ZC3H4: variants seen among roughly 807,000 people sequenced by gnomAD.
ZC3H4 encodes zinc finger CCCH-type containing 4, also known as zinc finger CCCH domain-containing protein 4.
In ZC3H4, 13 loss-of-function variants were observed where a neutral mutation model predicts 108.3. That is an observed-to-expected ratio of 0.12 (90% CI 0.08 to 0.19). The LOEUF (loss-of-function observed/expected upper bound fraction) is 0.19, where lower values mean the gene tolerates loss of function less well. Among genes scored for constraint, ZC3H4 ranks in the 10% least tolerant of loss-of-function variants. The pLI is 1.00. For synonymous variants in ZC3H4, 917 were observed against 749.6 expected (o/e 1.22, Z -3.65); for missense variants, 1,734 against 1,838.8 (o/e 0.94, Z 1.04).
chr19:47,111,570 C>CG (rs2058039550), intron 2 of ZC3H4, among the ~76,000 whole-genome samples: 1 of 152,124 alleles, frequency 6.6e-6, no homozygotes, highest in African/African-American at 2.4e-5. Flanking sequence ...TGAGAATCCT[C>CG]CCTCACGTCA....
At chr19:47,087,704 C>T (rs766483311) in intron 5 of ZC3H4, among the ~76,000 whole-genome samples, 7 of 151,872 alleles carry the variant, frequency 4.6e-5, no homozygotes, top group Non-Finnish European at 8.8e-5. Flanking sequence ...CACAGTGAAA[C>T]CCATCTCTAC....
chr19:47,077,591 C>T (rs894789580), intron 11 of ZC3H4, among the ~76,000 whole-genome samples: 1 of 151,280 alleles, frequency 6.6e-6, no homozygotes, highest in Non-Finnish European at 1.5e-5. Context: ...TGGTGGCTCA[C>T]GCCCGTTATC....
chr19:47,068,950 C>A, intron 14 of ZC3H4, 142 bp downstream of exon 14: 1 of 1,507,394 alleles, frequency 6.6e-7, no homozygotes, highest in South Asian at 1.3e-5. Context: ...AGCCCCAGCC[C>A]GGCTTCATGG....
Position 47,112,573 on chromosome 19 carries a change from C to T in ZC3H4, c.12G>A (p.Ala4=), listed in dbSNP as rs1237769140. Residue 4 remains alanine, a synonymous_variant, in exon 2 of 15, where the codon GCG becomes GCA. Transcript: ENST00000253048. The stretch of plus-strand genomic sequence containing the variant: ...ATGGCGGCGGCGGGGGGGTCCCGGG[C>T]GCGGCCTCCATAGTTCCTTTGGGGG... MEA[A]PGTPPPPPSE... is the part of the protein sequence containing the mutation. 11 of 1,160,556 alleles carry T rather than the reference C, an allele frequency of 9.5e-6. No individual in the cohort carries two copies. The highest frequency in any genetic ancestry group is 3.2e-5 in the African/African-American group (2 of 62,978). 71.9% of individuals were successfully genotyped at this position (1,160,556 alleles called of 1,614,324 possible).
chr19:47,107,546 C>T (rs549079045), intron 2 of ZC3H4, among the ~76,000 whole-genome samples: 128 of 152,054 alleles, frequency 8.4e-4, no homozygotes, highest in African/African-American at 3.1e-3. Context: ...GTCACCTATT[C>T]ACACAGATGC....
At chr19:47,091,792 CTGAGGCAGGAGAATCGCT>C (rs2057736027) in intron 4 of ZC3H4, among the ~76,000 whole-genome samples, 1 of 151,454 alleles carries the variant, frequency 6.6e-6, no homozygotes, top group Non-Finnish European at 1.5e-5. Flanking sequence ...ACTTGAGAGG[CTGAGGCAGGAGAATCGCT>C]TGAACCAGGG....
chr19:47,069,449 G>C (rs1378263876), intron 13 of ZC3H4, 106 bp from the exon 14 acceptor site: 7 of 1,421,080 alleles, frequency 4.9e-6, no homozygotes, highest in Non-Finnish European at 5.6e-6. Context: ...GATGGAGAAG[G>C]ACGCACAGCC....
At chr19:47,112,385 C>T in intron 2 of ZC3H4, 39 bp downstream of exon 2, 1 of 1,231,626 alleles carries the variant, frequency 8.1e-7, no homozygotes, top group Non-Finnish European at 1.0e-6. Context: ...CCTCTTCCTC[C>T]CCCCGGGGAC....
In ZC3H4 at chr19:47,072,070, C is replaced by T; in HGVS notation, c.1854G>A (p.Met618Ile). The T allele has an allele frequency of 6.3e-7, 1 of 1,576,978 alleles. No homozygotes were observed. Among genetic ancestry groups the T allele is most frequent in the Non-Finnish European group, 8.6e-7 (1 of 1,161,976 alleles). The change falls in exon 13 of 15, where the codon ATG becomes ATA. Residue 618 changes from methionine (M) to isoleucine (I), a missense_variant. This residue lies in a region of ZC3H4 where 540 missense variants were observed against 484.1 expected (regional missense o/e 1.12). Coordinates refer to ENST00000253048, the MANE Select transcript of ZC3H4 (RefSeq NM_015168.2). The surrounding 1 kb of genome is among the most constrained non-coding windows in gnomAD (Gnocchi z 5.6). ...PPGPMGPGPN[M>I]GPPGPMGGPM... is the part of the protein sequence containing the mutation. ...GACCGCCCATTGGCCCTGGGGGTCC[C>T]ATGTTGGGCCCAGGGCCCATTGGCC...
At chr19:47,100,496 C>G (rs2057889623) in intron 2 of ZC3H4, among the ~76,000 whole-genome samples, 1 of 151,744 alleles carries the variant, frequency 6.6e-6, no homozygotes, top group South Asian at 2.1e-4. Flanking sequence ...GAAGTCCAGG[C>G]ATCAGCATCT....
chr19:47,066,854 C>T lies in ZC3H4; in HGVS notation c.3414G>A (p.Gly1138=). The T allele has an allele frequency of 6.3e-7, 1 of 1,598,754 alleles. No homozygotes were observed. The highest frequency in any genetic ancestry group is 8.5e-7 in the Non-Finnish European group (1 of 1,179,182). ...AGGLGQGGGG[G]QSSVLSGISL... is the part of the protein sequence containing the mutation. ...TGATACCGCTCAGCACACTGCTCTG[C>T]CCGCCCCCTCCGCCCTGGCCCAGTC... Residue 1138 remains glycine, a synonymous_variant, in exon 15 of 15, where the codon GGG becomes GGA. Transcript: ENST00000253048.
In ZC3H4 at chr19:47,067,128, G is replaced by C. The variant is rs772746582; in HGVS notation, c.3140C>G (p.Ser1047Cys). Residue 1047 changes from serine to cysteine, a missense_variant, in exon 15 of 15, where the codon TCT becomes TGT. Ser to Cys is a moderately radical substitution (Grantham distance 112). Transcript: ENST00000253048. The surrounding 1 kb of genome is among the most constrained non-coding windows in gnomAD (Gnocchi z 6.4). ...GANLPDFELL[S>C]RILKTVNATG... is the part of the protein sequence containing the mutation. ...GGCATTGACTGTCTTGAGGATGCGA[G>C]ACAGAAGTTCAAAGTCGGGGAGGTT... 2.5e-6 allele frequency: 4 copies of C among 1,612,010 alleles called. No individual in the cohort carries two copies. The highest frequency in any genetic ancestry group is 1.7e-5 in the Admixed American group (1 of 59,792).
Position 47,112,578 on chromosome 19 carries a change from C to T in ZC3H4, c.7G>A (p.Ala3Thr), listed in dbSNP as rs62135070. ME[A>T]APGTPPPPPS... ...GGCGGCGGGGGGGTCCCGGGCGCGG[C>T]CTCCATAGTTCCTTTGGGGGGGAGG... Residue 3 changes from alanine to threonine, a missense_variant, in exon 2 of 15, where the codon GCC (alanine) becomes ACC (threonine). Transcript: ENST00000253048. The T allele has an allele frequency of 0.039, 46,158 of 1,175,758 alleles. 1,194 individuals carry two copies. The highest frequency in any genetic ancestry group is 0.045 in the Non-Finnish European group (41,717 of 933,450). 72.8% of individuals were successfully genotyped at this position (1,175,758 alleles called of 1,614,324 possible). A position where few individuals can be genotyped will look rare whatever the true frequency, so the allele number is the denominator to read the frequency against.
chr19:47,091,718 T>A (rs1360639250), intron 4 of ZC3H4, among the ~76,000 whole-genome samples: 1 of 149,694 alleles, frequency 6.7e-6, no homozygotes, highest in Non-Finnish European at 1.5e-5. Context: ...AAACCCCGTC[T>A]CTACTAAAAA....
rs1303857145 is a variant in ZC3H4, at chr19:47,086,533, G to T, written c.721C>A (p.Arg241=). 6.9e-6 allele frequency: 11 copies of T among 1,586,412 alleles called. No individual in the cohort carries two copies. Among genetic ancestry groups the T allele is most frequent in the Non-Finnish European group, 7.7e-6 (9 of 1,173,184 alleles). The change falls in exon 6 of 15, where the codon CGA becomes AGA. Residue 241 remains arginine (R), a synonymous_variant. Transcript: ENST00000253048. ...CCCCTGTAGCCCCGGCCCCGGCCTC[G>T]GCTGCCTGCATGGAGATTCAGATAG... ...KEGSSRGRGS[R]GRGRGYRGRG... is the part of the protein sequence containing the mutation.
chr19:47,084,348 G>A lies in ZC3H4; in HGVS notation c.1215C>T (p.Thr405=). The change falls in exon 9 of 15, where the codon ACC becomes ACT. Residue 405 remains threonine, a synonymous_variant. Transcript: ENST00000253048. The part of the protein sequence containing the change: ...ICKYFVEGRC[T]WGDHCNFSHD... ...CCCAGCTTTCAGCGCTCCTTACCCA[G>A]GTGCAGCGCCCTTCCACGAAGTACT... 6.2e-7 allele frequency: 1 copy of A among 1,614,076 alleles called. No homozygotes were observed. Among genetic ancestry groups the A allele is most frequent in the South Asian group, 1.1e-5 (1 of 91,080 alleles).
rs761242118 is a variant in ZC3H4 at position 47,072,684 on chromosome 19, G to A, written c.1470C>T (p.Ala490=). The A allele has an allele frequency of 4.5e-5, 72 of 1,613,720 alleles. No individual in the cohort carries two copies. The highest frequency in any genetic ancestry group is 1.1e-4 in the East Asian group (5 of 44,888). The change falls in exon 12 of 15, where the codon GCC becomes GCT. Residue 490 remains alanine (A), a synonymous_variant. Coordinates refer to ENST00000253048, the MANE Select transcript of ZC3H4 (RefSeq NM_015168.2). The surrounding 1 kb of genome is among the most constrained non-coding windows in gnomAD (Gnocchi z 5.6). ...GTTCCTCCACCTCCTTCTCATCCTC[G>A]GCACCTGCTTCTGCATCATCGGCCA... is the stretch of plus-strand genomic sequence containing the variant. ...KMLADDAEAG[A]EDEKEVEELK... is the part of the protein sequence containing the mutation.
chr19:47,065,013 GCA>G lies in ZC3H4; in HGVS notation c.*1341_*1342del, dbSNP rs757997462. 6.6e-6 allele frequency: 1 copy of G among 152,354 alleles called. No individual in the cohort carries two copies. Among genetic ancestry groups the G allele is most frequent in the Non-Finnish European group, 1.5e-5 (1 of 68,186 alleles). The allele number at this position is 152,354 out of a possible 1,614,324, so 9.4% of individuals were successfully genotyped here. ...GGGAGACGGGCAGATGCAGCCACAAGCACACACTTCCTGAGGCCCCTCAAGTG... is the reference window on the plus strand; with the variant it reads ...GGGAGACGGGCAGATGCAGCCACAAGCACACTTCCTGAGGCCCCTCAAGTG... On this transcript the variant is annotated 3_prime_UTR_variant, in exon 15 of 15. Transcript: ENST00000253048.
chr19:47,093,887 C>G, intron 4 of ZC3H4, 83 bp downstream of exon 4: 8 of 1,260,194 alleles, frequency 6.3e-6, no homozygotes, highest in South Asian at 4.1e-5. Flanking sequence ...AAAAAATGCC[C>G]AGAACACAGC....
Sources: gnomAD v4.1 joint callset for allele counts (sites outside exome capture counted in the v4.1 genomes callset) on GRCh38, gnomAD v4.1.1 for gene constraint, gnomAD v4.1.1 regional missense constraint, Gnocchi (gnomAD v3.1) non-coding constraint, MANE v1.5 for transcripts, NCBI Gene and HGNC (gene_info 2026-07-23, HGNC 2026-07-21) for gene names.